NR3C2: variants seen among roughly 807,000 people sequenced by gnomAD.
The protein encoded by NR3C2 is mineralocorticoid receptor.
In NR3C2, 15 loss-of-function variants were observed where a neutral mutation model predicts 86.4. The ratio of observed to expected loss-of-function variants is 0.17; its 90% confidence interval spans 0.12 to 0.27. The LOEUF (loss-of-function observed/expected upper bound fraction) is 0.27, where lower values mean the gene tolerates loss of function less well. Among genes scored for constraint, NR3C2 ranks in the 10% least tolerant of loss-of-function variants. The probability of loss-of-function intolerance (pLI) is 1.00; values close to 1 mark genes in which losing one functional copy is unlikely to be tolerated. For missense variants in NR3C2, 960 were observed against 1,195.6 expected (o/e 0.80, Z 2.91); for synonymous variants, 458 against 450.5 (o/e 1.02, Z -0.21).
At chr4:148,410,247 A>G (rs1321582708) in intron 2 of NR3C2, among the ~76,000 whole-genome samples, 1 of 152,192 alleles carries the variant, frequency 6.6e-6, no homozygotes, top group African/African-American at 2.4e-5. Flanking sequence ...TTCATCTCAA[A>G]CCAGCTGGCT....
chr4:148,168,022 C>G (rs564952145), intron 4 of NR3C2, among the ~76,000 whole-genome samples: 1 of 152,204 alleles, frequency 6.6e-6, no homozygotes, highest in Non-Finnish European at 1.5e-5. Context: ...CCTGCCACTT[C>G]TAACCTTGAG....
chr4:148,161,950 G>A (rs1033032992), intron 4 of NR3C2, among the ~76,000 whole-genome samples: 3 of 152,272 alleles, frequency 2.0e-5, no homozygotes, highest in Middle Eastern at 3.4e-3. Flanking sequence ...CTCTCTCCAT[G>A]GGAGCGCACA....
intron 6 of NR3C2, among the ~76,000 whole-genome samples, chr4:148,128,229 A>G (rs1732842317): frequency 6.6e-6 from 1 of 152,308 alleles, no homozygotes; most frequent in South Asian, 2.1e-4. Context: ...TCATTATGTC[A>G]ACCGTGTTGC....
At chr4:148,314,651 A>G (rs1239594152) in intron 2 of NR3C2, among the ~76,000 whole-genome samples, 1 of 152,190 alleles carries the variant, frequency 6.6e-6, no homozygotes, top group Non-Finnish European at 1.5e-5. Context: ...CCTAGAAAGG[A>G]TAACTTCACT....
intron 4 of NR3C2, among the ~76,000 whole-genome samples, chr4:148,168,889 T>G (rs563460035): frequency 6.6e-6 from 1 of 152,216 alleles, no homozygotes; most frequent in African/African-American, 2.4e-5. Flanking sequence ...GTAATGTGCC[T>G]ATGTTTAGTA....
intron 2 of NR3C2, among the ~76,000 whole-genome samples, chr4:148,328,590 A>C (rs1392091125): frequency 1.3e-5 from 2 of 152,194 alleles, no homozygotes; most frequent in Non-Finnish European, 2.9e-5. Flanking sequence ...GAATAACAGC[A>C]ACCAAACTTC....
At chr4:148,225,438 T>C (rs1738096834) in intron 3 of NR3C2, among the ~76,000 whole-genome samples, 1 of 152,112 alleles carries the variant, frequency 6.6e-6, no homozygotes, top group African/African-American at 2.4e-5. Flanking sequence ...AAGACACATA[T>C]AAAAACATAA....
intron 2 of NR3C2, among the ~76,000 whole-genome samples, chr4:148,287,189 T>A (rs1285832160): frequency 6.6e-6 from 1 of 152,216 alleles, no homozygotes; most frequent in Admixed American, 6.5e-5. Flanking sequence ...TCTCTAATGT[T>A]TTTGAATTCT....
chr4:148,223,953 T>C (rs558191489), intron 3 of NR3C2, among the ~76,000 whole-genome samples: 6 of 152,152 alleles, frequency 3.9e-5, no homozygotes, highest in East Asian at 1.9e-4. Flanking sequence ...AATGAACATA[T>C]AGAACCTAAA....
At chr4:148,373,631 T>C (rs9999121) in intron 2 of NR3C2, among the ~76,000 whole-genome samples, 15,694 of 151,914 alleles carry the variant, frequency 0.1, 966 homozygotes, top group Middle Eastern at 0.31. Context: ...CGTGCCACCA[T>C]GCCTGGCTAA....
At chr4:148,085,026 G>A (rs1730747879) in intron 8 of NR3C2, among the ~76,000 whole-genome samples, 1 of 151,932 alleles carries the variant, frequency 6.6e-6, no homozygotes, top group Admixed American at 6.6e-5. Flanking sequence ...GACATACACA[G>A]AGACTTAGAC....
At chr4:148,253,419 AGTTG>A (rs1739671591) in intron 3 of NR3C2, among the ~76,000 whole-genome samples, 2 of 152,324 alleles carry the variant, frequency 1.3e-5, no homozygotes, top group South Asian at 4.1e-4. Context: ...TCTGTGTGCA[AGTTG>A]GAAATAGAAG....
At chr4:148,205,365 G>T (rs568901177) in intron 3 of NR3C2, among the ~76,000 whole-genome samples, 18 of 152,208 alleles carry the variant, frequency 1.2e-4, no homozygotes, top group Middle Eastern at 3.4e-3. Flanking sequence ...TGTACTATAG[G>T]ACATCTGGTG....
intron 3 of NR3C2, among the ~76,000 whole-genome samples, chr4:148,243,667 T>A (rs1739172988): frequency 6.6e-6 from 1 of 152,220 alleles, no homozygotes; most frequent in African/African-American, 2.4e-5. Flanking sequence ...GGGGTACACT[T>A]AACAGCTCAG....
rs146705279 is a variant in NR3C2 at position 148,227,285 on chromosome 4, T to C, written c.1898-32423A>G. On this transcript the variant is annotated intron_variant, in intron 3 of 8. Coordinates refer to ENST00000358102, the MANE Select transcript of NR3C2 (RefSeq NM_000901.5). Reference sequence around the variant, plus strand: ...TGAATTGTCTGATATCACCTCTTGCTTAAATTCAACTTAGGCATTTTTGGC... The same window carrying C: ...TGAATTGTCTGATATCACCTCTTGCCTAAATTCAACTTAGGCATTTTTGGC... Among the ~76,000 whole-genome samples the C allele has an allele frequency of 2.6e-5, 4 of 152,310 alleles. No homozygotes were observed. In the East Asian group the frequency reaches 7.7e-4, roughly 29 times the overall value.
chr4:148,338,390 TG>T (rs1174244327), intron 2 of NR3C2, among the ~76,000 whole-genome samples: 1 of 152,216 alleles, frequency 6.6e-6, no homozygotes, highest in Non-Finnish European at 1.5e-5. Flanking sequence ...TTTTTAAAAA[TG>T]TTATTTCCAA....
intron 2 of NR3C2, among the ~76,000 whole-genome samples, chr4:148,356,081 T>C (rs1745536857): frequency 6.6e-6 from 1 of 152,132 alleles, no homozygotes; most frequent in Admixed American, 6.5e-5. Flanking sequence ...AATCACATAA[T>C]TTTCACATGT....
chr4:148,186,799 G>A (rs1382885446), intron 4 of NR3C2, among the ~76,000 whole-genome samples: 1 of 150,036 alleles, frequency 6.7e-6, no homozygotes, highest in African/African-American at 2.5e-5. Context: ...AGAGTCCAGT[G>A]TATCATTCTT....
At chr4:148,346,863 A>G (rs1013559660) in intron 2 of NR3C2, among the ~76,000 whole-genome samples, 39 of 152,276 alleles carry the variant, frequency 2.6e-4, no homozygotes, top group African/African-American at 9.1e-4. Context: ...ATGGGGCAGC[A>G]CTGATACAGA....
Sources: allele counts gnomAD v4.1 joint callset (sites outside exome capture counted in the v4.1 genomes callset), GRCh38; gene constraint gnomAD v4.1.1; transcripts MANE v1.5; gene names NCBI Gene and HGNC (gene_info 2026-07-23, HGNC 2026-07-21).